The following ZC3H6 variants were observed in gnomAD, a reference collection of about 807,000 sequenced individuals.
ZC3H6 encodes zinc finger CCCH-type containing 6.
ZC3H6 carries 40 observed loss-of-function variants against 107.7 expected under a neutral mutation model. The ratio of observed to expected loss-of-function variants is 0.37; its 90% CI spans 0.29 to 0.48. The LOEUF is 0.48. Among genes scored for constraint, ZC3H6 ranks in the 20% least tolerant of loss-of-function variants. The pLI, the probability that ZC3H6 is intolerant of heterozygous loss-of-function variation, is 0.98. For synonymous variants in ZC3H6, 493 were observed against 487.9 expected, an observed-to-expected ratio of 1.01 and a Z score of -0.14; for missense variants, 1,267 against 1,410.4, an observed-to-expected ratio of 0.90 and a Z score of 1.63.
At chr2:112,317,848 T>C (rs897333441) in intron 7 of ZC3H6, among the ~76,000 whole-genome samples, 10 of 152,218 alleles carry the variant, frequency 6.6e-5, no homozygotes, top group Admixed American at 3.9e-4. Context: ...AAAAAATGTA[T>C]TCTGCAATTT....
intron 11 of ZC3H6, among the ~76,000 whole-genome samples, chr2:112,329,606 G>T (rs1473458713): frequency 6.6e-6 from 1 of 152,148 alleles, no homozygotes; most frequent in Non-Finnish European, 1.5e-5. Flanking sequence ...TGCTTGTTTT[G>T]TAAGCACTGC....
At position 112,331,562 on chromosome 2, in the gene ZC3H6, G is replaced by A; in HGVS notation, c.2644G>A (p.Glu882Lys). 1 of 1,613,844 alleles carries A rather than the reference G, an allele frequency of 6.2e-7. No individual in the cohort carries two copies. Among genetic ancestry groups the A allele is most frequent in the Non-Finnish European group, 8.5e-7 (1 of 1,179,864 alleles). Residue 882 changes from glutamate to lysine, a missense_variant, in exon 12 of 12, where the codon GAA (glutamate) becomes AAA (lysine). Coordinates refer to ENST00000409871, the MANE Select transcript of ZC3H6 (RefSeq NM_198581.3). The stretch of plus-strand genomic sequence containing the variant: ...TGCAAAACACATCGTGTGGGCTCCC[G>A]AAGACTTACTTCCAGTACCTTTACC... ...NFAKHIVWAP[E>K]DLLPVPLPKP...
Position 112,334,004 on chromosome 2 carries a change from A to G in ZC3H6, c.*1516A>G, listed in dbSNP as rs1677090118. The G allele has an allele frequency of 6.6e-6, 1 of 152,146 alleles. No individual in the cohort carries two copies. The highest frequency in any genetic ancestry group is 1.5e-5 in the Non-Finnish European group (1 of 67,972). 9.4% of individuals were successfully genotyped at this position (152,146 alleles called of 1,614,324 possible). A position where few individuals can be genotyped will look rare whatever the true frequency, so the allele number is the denominator to read the frequency against. The stretch of plus-strand genomic sequence containing the variant: ...CTGTGCTAAAATGGGGTTGTGGTTA[A>G]GTGAACGAGAACTCTGCCTACCTAA... On this transcript the variant is annotated 3_prime_UTR_variant, in exon 12 of 12. Coordinates refer to ENST00000409871, the MANE Select transcript of ZC3H6 (RefSeq NM_198581.3).
In ZC3H6 at chr2:112,332,462, G is replaced by T; in HGVS notation, c.3544G>T (p.Asp1182Tyr). 1 of 1,610,192 alleles carries T rather than the reference G, an allele frequency of 6.2e-7. No homozygotes were observed. Among genetic ancestry groups the T allele is most frequent in the South Asian group, 1.1e-5 (1 of 90,664 alleles). Residue 1182 changes from aspartate (D) to tyrosine (Y), a missense_variant, in exon 12 of 12, where the codon GAT becomes TAT. Physicochemically the swap from Asp to Tyr is radical, Grantham distance 160. Around this residue, in one of 3 missense-constraint regions of ZC3H6, gnomAD observed 925 missense variants for 1,025.7 expected, o/e 0.90. Transcript: ENST00000409871. Reference sequence around the variant, plus strand: ...TCTGAAAGAGGTTTTTAAAACTTTTGATCCAACTGCTTCACCATTTTGTTA... The same window carrying T: ...TCTGAAAGAGGTTTTTAAAACTTTTTATCCAACTGCTTCACCATTTTGTTA... The part of the protein sequence containing the change: ...KSLKEVFKTF[D>Y]PTASPFC
intron 11 of ZC3H6, among the ~76,000 whole-genome samples, chr2:112,330,047 G>A (rs1369870509): frequency 6.6e-6 from 1 of 150,894 alleles, no homozygotes; most frequent in Non-Finnish European, 1.5e-5. Flanking sequence ...TAAGTTTTAG[G>A]ATGGTAGGTT....
At chr2:112,295,658 A>G (rs12615464) in intron 1 of ZC3H6, among the ~76,000 whole-genome samples, 11,074 of 152,142 alleles carry the variant, frequency 0.073, 636 homozygotes, top group East Asian at 0.33. Context: ...ATTTTTCTCT[A>G]TTTCCTCTTT....
At chr2:112,330,056 T>G (rs1026777040) in intron 11 of ZC3H6, among the ~76,000 whole-genome samples, 1 of 112,588 alleles carries the variant, frequency 8.9e-6, no homozygotes, top group Non-Finnish European at 2.2e-5. Flanking sequence ...GGATGGTAGG[T>G]TTTTTTTTTT....
In ZC3H6 at chr2:112,337,149, G is replaced by C. The variant is rs977865666; in HGVS notation, c.*4661G>C. 6 of 152,056 alleles carry C rather than the reference G, an allele frequency of 3.9e-5. No homozygotes were observed. The highest frequency in any genetic ancestry group is 1.4e-4 in the African/African-American group (6 of 41,402). The allele number at this position is 152,056 out of a possible 1,614,324, so 9.4% of individuals were successfully genotyped here. On this transcript the variant is annotated 3_prime_UTR_variant, in exon 12 of 12. Coordinates refer to ENST00000409871, the MANE Select transcript of ZC3H6 (RefSeq NM_198581.3). ...TGTGAAGACAGATTATGGCAACTTAGGAGCTCCATGTTTCCATAATAATTC... is the reference window on the plus strand; with the variant it reads ...TGTGAAGACAGATTATGGCAACTTACGAGCTCCATGTTTCCATAATAATTC...
rs958556085 is a variant in ZC3H6 at position 112,334,181 on chromosome 2, T to A, written c.*1693T>A. ...TTTAAAGCCACCATAGAAAGTATTT[T>A]CTGATTTACTGTCCAAATGAATTTT... On this transcript the variant is annotated 3_prime_UTR_variant, in exon 12 of 12. Transcript: ENST00000409871. 6.6e-6 allele frequency: 1 copy of A among 152,160 alleles called. No homozygotes were observed. The highest frequency in any genetic ancestry group is 1.5e-5 in the Non-Finnish European group (1 of 67,988). The allele number at this position is 152,160 out of a possible 1,614,324, so 9.4% of individuals were successfully genotyped here.
rs1408339808 is a variant in ZC3H6 at position 112,331,603 on chromosome 2, G to T, written c.2685G>T (p.Val895=). The change falls in exon 12 of 12, where the codon GTG becomes GTT. Residue 895 remains valine, a synonymous_variant. Transcript: ENST00000409871. The part of the protein sequence containing the change: ...LPVPLPKPDP[V]SSINLPLPPL... ...TACCTTTACCTAAACCTGATCCAGTGTCTTCAATCAATTTACCTCTGCCCC... is the reference window on the plus strand; with the variant it reads ...TACCTTTACCTAAACCTGATCCAGTTTCTTCAATCAATTTACCTCTGCCCC... 2.5e-6 allele frequency: 4 copies of T among 1,613,948 alleles called. No homozygotes were observed. The African/African-American group carries it at 5.3e-5, about 22-fold the overall frequency.
In ZC3H6 at chr2:112,331,117, T is replaced by C. The variant is rs1677021500; in HGVS notation, c.2199T>C (p.Pro733=). The C allele has an allele frequency of 3.1e-6, 5 of 1,613,224 alleles. No individual in the cohort carries two copies. The highest frequency in any genetic ancestry group is 4.5e-5 in the East Asian group (2 of 44,860). Residue 733 remains proline, a synonymous_variant, in exon 12 of 12, where the codon CCT becomes CCC. Transcript: ENST00000409871. ...QTETLRNQQQ[P]STELSTPTDP... The stretch of plus-strand genomic sequence containing the variant: ...AAACTTTAAGGAATCAGCAACAACC[T>C]TCCACAGAACTCAGCACTCCTACTG...
Position 112,332,001 on chromosome 2 carries a change from T to C in ZC3H6, c.3083T>C (p.Leu1028Pro). ...SGALPPYAPKLSSSAGLPLGT... is the reference protein window; with the variant it reads ...SGALPPYAPKPSSSAGLPLGT... The stretch of plus-strand genomic sequence containing the variant: ...GCTCTGCCTCCATATGCCCCTAAAC[T>C]CTCTTCCTCAGCTGGCCTTCCACTG... The change falls in exon 12 of 12, where the codon CTC becomes CCC. Residue 1028 changes from leucine (L) to proline (P), a missense_variant. Leu to Pro is a moderately conservative substitution (Grantham distance 98). Coordinates refer to ENST00000409871, the MANE Select transcript of ZC3H6 (RefSeq NM_198581.3). The C allele has an allele frequency of 6.2e-7, 1 of 1,613,928 alleles. No individual in the cohort carries two copies. Among genetic ancestry groups the C allele is most frequent in the Non-Finnish European group, 8.5e-7 (1 of 1,179,890 alleles).
chr2:112,312,517 A>T (rs1676612135), intron 5 of ZC3H6, among the ~76,000 whole-genome samples: 1 of 152,166 alleles, frequency 6.6e-6, no homozygotes, highest in African/African-American at 2.4e-5. Context: ...GTGTTCTACT[A>T]CTGTTCTAGT....
intron 3 of ZC3H6, among the ~76,000 whole-genome samples, chr2:112,309,575 T>C (rs932044948): frequency 2.0e-5 from 3 of 152,236 alleles, no homozygotes; most frequent in Non-Finnish European, 1.5e-5. Context: ...TTTTCATTTT[T>C]TGGAGGAAAA....
chr2:112,311,931 T>C lies in ZC3H6; in HGVS notation c.741T>C (p.Phe247=). 1 of 1,611,192 alleles carries C rather than the reference T, an allele frequency of 6.2e-7. No homozygotes were observed. ...GPNVFSVSDD[F]QEYNKPGKKW... The stretch of plus-strand genomic sequence containing the variant: ...ATGTGTTTTCAGTATCGGATGACTT[T>C]CAAGAGGTACTAAGAATTTATGTAT... Residue 247 remains phenylalanine (F), a synonymous_variant, in exon 5 of 12, where the codon TTT becomes TTC. Coordinates refer to ENST00000409871, the MANE Select transcript of ZC3H6 (RefSeq NM_198581.3).
chr2:112,287,147 T>G lies in ZC3H6; in HGVS notation c.32+11121T>G, dbSNP rs1226980119. 3.9e-5 allele frequency among the ~76,000 whole-genome samples: 6 copies of G among 152,010 alleles called. 1 individual carries two copies. The highest frequency in any genetic ancestry group is 3.9e-4 in the Admixed American group (6 of 15,274). On this transcript the variant is annotated intron_variant, in intron 1 of 11. Coordinates refer to ENST00000409871, the MANE Select transcript of ZC3H6 (RefSeq NM_198581.3). ...TTTAAACTTTTGATGTCATGGCACC[T>G]AGAAGATTATTTTCTGATACTCATA...
At chr2:112,294,995 AGAG>A (rs1676204969) in intron 1 of ZC3H6, among the ~76,000 whole-genome samples, 1 of 151,810 alleles carries the variant, frequency 6.6e-6, no homozygotes. Flanking sequence ...TAGTATATTC[AGAG>A]TAGTACAGTC....
chr2:112,327,761 C>A (rs541261262), intron 11 of ZC3H6, among the ~76,000 whole-genome samples: 1 of 152,144 alleles, frequency 6.6e-6, no homozygotes, highest in South Asian at 2.1e-4. Flanking sequence ...CATTTATTGA[C>A]GAGATTGTCC....
chr2:112,303,906 G>A (rs1467246516), intron 3 of ZC3H6, among the ~76,000 whole-genome samples: 1 of 152,024 alleles, frequency 6.6e-6, no homozygotes, highest in Non-Finnish European at 1.5e-5. Context: ...AGTTTATTGG[G>A]GTATATATTT....
Sources: allele counts gnomAD v4.1 joint callset (sites outside exome capture counted in the v4.1 genomes callset), GRCh38; gene constraint gnomAD v4.1.1; regional missense constraint gnomAD v4.1.1; transcripts MANE v1.5; gene names NCBI Gene and HGNC (gene_info 2026-07-23, HGNC 2026-07-21).